Variants in HUNK observed in about 807,000 individuals in gnomAD.
The protein encoded by HUNK is hormonally up-regulated Neu-associated kinase.
Under a neutral mutation model 61.0 loss-of-function variants are expected in HUNK, and 21 were observed. That is an observed-to-expected ratio of 0.34 (90% CI 0.24 to 0.50). The LOEUF is 0.50. Ranked by LOEUF, HUNK falls within the 20% of genes least tolerant of loss-of-function variation. The pLI is 0.98. For missense variants in HUNK, 772 were observed against 945.7 expected, an observed-to-expected ratio of 0.82 and a Z score of 2.41; for synonymous variants, 371 against 386.1, an observed-to-expected ratio of 0.96 and a Z score of 0.46.
intron 4 of HUNK, among the ~76,000 whole-genome samples, chr21:31,956,599 C>T (rs1316278463): frequency 6.6e-6 from 1 of 152,192 alleles, no homozygotes; most frequent in East Asian, 1.9e-4. Flanking sequence ...GTCTCTCCTC[C>T]TCAGCCTCCT....
intron 5 of HUNK, among the ~76,000 whole-genome samples, chr21:31,964,611 T>C (rs1447057734): frequency 6.6e-6 from 1 of 152,102 alleles, no homozygotes; most frequent in African/African-American, 2.4e-5. Context: ...CTTTCCAGGA[T>C]GGTGAGGAAT....
In HUNK at chr21:32,002,948, C is replaced by T. The variant is rs983715503; in HGVS notation, c.*3764C>T. The T allele has an allele frequency of 6.6e-6, 1 of 152,192 alleles. No individual in the cohort carries two copies. Among genetic ancestry groups the T allele is most frequent in the Non-Finnish European group, 1.5e-5 (1 of 68,034 alleles). 9.4% of individuals were successfully genotyped at this position (152,192 alleles called of 1,614,324 possible). A position where few individuals can be genotyped will look rare whatever the true frequency, so the allele number is the denominator to read the frequency against. ...ATGTTTTCTTGTAAGAATCCCAACA[C>T]TTTAGAATAGAAAAGGACCTAAGAT... On this transcript the variant is annotated 3_prime_UTR_variant, in exon 11 of 11. Transcript: ENST00000270112.
chr21:31,905,489 T>C (rs551668724), intron 1 of HUNK, among the ~76,000 whole-genome samples: 2 of 152,302 alleles, frequency 1.3e-5, no homozygotes, highest in East Asian at 1.9e-4. Context: ...AAGGCCGGCA[T>C]CTTATGATCT....
At chr21:31,942,508 G>A (rs549956547) in intron 3 of HUNK, among the ~76,000 whole-genome samples, 5 of 152,162 alleles carry the variant, frequency 3.3e-5, no homozygotes, top group Non-Finnish European at 7.3e-5. Context: ...AGGAGCTCAC[G>A]GATTGGTTGA....
intron 4 of HUNK, among the ~76,000 whole-genome samples, chr21:31,947,818 C>A (rs2123832929): frequency 6.6e-6 from 1 of 152,258 alleles, no homozygotes; most frequent in South Asian, 2.1e-4. Context: ...GGGAAATGGG[C>A]TGTAGAGAGA....
chr21:31,965,081 G>C (rs2052953878), intron 5 of HUNK, among the ~76,000 whole-genome samples: 1 of 152,116 alleles, frequency 6.6e-6, no homozygotes, highest in South Asian at 2.1e-4. Flanking sequence ...TCCAATGCAG[G>C]GTTGTTAAAG....
intron 7 of HUNK, among the ~76,000 whole-genome samples, chr21:31,982,031 G>A (rs529904982): frequency 5.3e-4 from 80 of 152,148 alleles, no homozygotes; most frequent in African/African-American, 1.6e-3. Context: ...TAATCCCAGC[G>A]TTCCTTAGCT....
At chr21:31,957,130 C>T (rs925765007) in intron 4 of HUNK, among the ~76,000 whole-genome samples, 1 of 152,164 alleles carries the variant, frequency 6.6e-6, no homozygotes, top group Non-Finnish European at 1.5e-5. Context: ...TGGTGCAATT[C>T]AGCATTTTCT....
At chr21:31,892,174 TATATATAGAGAG>T (rs1407501062) in intron 1 of HUNK, among the ~76,000 whole-genome samples, 10 of 122,032 alleles carry the variant, frequency 8.2e-5, no homozygotes, top group African/African-American at 2.8e-4. Context: ...TATATATATA[TATATATAGAGAG>T]AGAGAGAGAG....
intron 1 of HUNK, among the ~76,000 whole-genome samples, chr21:31,879,979 A>G (rs1329579394): frequency 6.6e-6 from 1 of 152,126 alleles, no homozygotes; most frequent in East Asian, 1.9e-4. Context: ...ATTGAATTTC[A>G]CGCTTTCTGA....
chr21:31,934,312 G>A (rs962861097), intron 2 of HUNK, among the ~76,000 whole-genome samples: 2 of 151,512 alleles, frequency 1.3e-5, no homozygotes, highest in African/African-American at 2.4e-5. Flanking sequence ...GTGCGGTGGC[G>A]GGCGCCTGTA....
rs2053230163 is a variant in HUNK, at chr21:31,999,297, C to T, written c.*113C>T. 2.1e-6 allele frequency: 2 copies of T among 956,544 alleles called. No homozygotes were observed. Among genetic ancestry groups the T allele is most frequent in the Non-Finnish European group, 3.1e-6 (2 of 638,118 alleles). 59.3% of individuals were successfully genotyped at this position (956,544 alleles called of 1,614,324 possible). ...CTCGCGTGGAGCATCCTTAGTCCCACCTGTAGCTGAATCCACAGACCCAAA... is the reference window on the plus strand; with the variant it reads ...CTCGCGTGGAGCATCCTTAGTCCCATCTGTAGCTGAATCCACAGACCCAAA... On this transcript the variant is annotated 3_prime_UTR_variant, in exon 11 of 11. Coordinates refer to ENST00000270112, the MANE Select transcript of HUNK (RefSeq NM_014586.2).
At chr21:31,900,655 G>A (rs183981048) in intron 1 of HUNK, among the ~76,000 whole-genome samples, 12 of 152,292 alleles carry the variant, frequency 7.9e-5, no homozygotes, top group Admixed American at 1.3e-4. Flanking sequence ...AGAGCCCTGC[G>A]CGTGCAGTGA....
In HUNK at chr21:31,925,749, T is replaced by A. The variant is rs1049899721; in HGVS notation, c.554+989T>A. On this transcript the variant is annotated intron_variant, in intron 2 of 10. Coordinates refer to ENST00000270112, the MANE Select transcript of HUNK (RefSeq NM_014586.2). ...ACAGCGTTCTTGGCAATGTTGCCAT[T>A]GGTAGTGGGTGCCTGCTTTTAGTAC... Among the ~76,000 whole-genome samples, 6 of 152,208 alleles carry A rather than the reference T, an allele frequency of 3.9e-5. No homozygotes were observed. The South Asian group carries it at 8.3e-4, about 21-fold the overall frequency.
chr21:31,913,636 G>A (rs538870768), intron 1 of HUNK, among the ~76,000 whole-genome samples: 2 of 151,970 alleles, frequency 1.3e-5, no homozygotes, highest in Non-Finnish European at 1.5e-5. Flanking sequence ...GATGGCCAGA[G>A]GCACGTCAGA....
rs1382452986 is a variant in HUNK, at chr21:32,003,792, C to T, written c.*4608C>T. ...CTCTAGGAGTTGACGTCTGTGGGCACTAAGGGACTGAGGTTGGGGGAGAAA... is the reference window on the plus strand; with the variant it reads ...CTCTAGGAGTTGACGTCTGTGGGCATTAAGGGACTGAGGTTGGGGGAGAAA... On this transcript the variant is annotated 3_prime_UTR_variant, in exon 11 of 11. Coordinates refer to ENST00000270112, the MANE Select transcript of HUNK (RefSeq NM_014586.2). 1 of 152,128 alleles carries T rather than the reference C, an allele frequency of 6.6e-6. No homozygotes were observed. Among genetic ancestry groups the T allele is most frequent in the South Asian group, 2.1e-4 (1 of 4,814 alleles). The allele number at this position is 152,128 out of a possible 1,614,324, so 9.4% of individuals were successfully genotyped here. A position where few individuals can be genotyped will look rare whatever the true frequency, so the allele number is the denominator to read the frequency against.
At chr21:31,887,047 A>G (rs1042281864) in intron 1 of HUNK, among the ~76,000 whole-genome samples, 4 of 152,152 alleles carry the variant, frequency 2.6e-5, no homozygotes, top group Admixed American at 2.6e-4. Context: ...CAAGCGCTGT[A>G]TGTTTCTCTC....
chr21:31,910,570 C>A (rs1287561425), intron 1 of HUNK, among the ~76,000 whole-genome samples: 1 of 151,678 alleles, frequency 6.6e-6, no homozygotes, highest in Non-Finnish European at 1.5e-5. Context: ...CTCACCGCAA[C>A]CTCTGCCTCC....
chr21:31,933,287 G>C (rs942721881), intron 2 of HUNK, among the ~76,000 whole-genome samples: 2 of 152,048 alleles, frequency 1.3e-5, no homozygotes, highest in African/African-American at 4.8e-5. Flanking sequence ...AGGCCCATTG[G>C]CCAAGAAAAA....
Sources: allele counts gnomAD v4.1 joint callset (sites outside exome capture counted in the v4.1 genomes callset), GRCh38; gene constraint gnomAD v4.1.1; transcripts MANE v1.5; gene names NCBI Gene and HGNC (gene_info 2026-07-23, HGNC 2026-07-21).